ACOT12: variants seen among roughly 807,000 people sequenced by gnomAD.
ACOT12 encodes the protein acetyl-coenzyme A thioesterase.
ACOT12 carries 51 observed loss-of-function variants against 67.7 expected under a neutral mutation model. That is an observed-to-expected ratio of 0.75 (90% CI 0.60 to 0.95). ACOT12 has a LOEUF of 0.95. Among genes scored for constraint, ACOT12 ranks in the 40% least tolerant of loss-of-function variants. ACOT12 has a pLI of 0.00. For synonymous variants in ACOT12, 251 were observed against 244.6 expected (o/e 1.03, Z -0.24); for missense variants, 734 against 708.1 (o/e 1.04, Z -0.41).
intron 3 of ACOT12, among the ~76,000 whole-genome samples, chr5:81,366,239 AG>A (rs1199550634): frequency 6.6e-6 from 1 of 152,220 alleles, no homozygotes; most frequent in Non-Finnish European, 1.5e-5. Context: ...TGCCAGGAAA[AG>A]TCTGACACTC....
intron 11 of ACOT12, 59 bp downstream of exon 11, chr5:81,342,613 C>G: frequency 6.4e-7 from 1 of 1,552,498 alleles, no homozygotes; most frequent in Non-Finnish European, 8.9e-7. Context: ...GAACCACCAC[C>G]ACCACAGCTT....
the ACOT12 span, among the ~76,000 whole-genome samples, chr5:81,315,328 C>G: frequency 5.7e-3 from 863 of 152,292 alleles, 3 homozygotes; most frequent in Admixed American, 9.8e-3. Context: ...GCCAGCCCCC[C>G]ATCCCTGCTT....
At chr5:81,337,521 A>T (rs1265952082) in intron 11 of ACOT12, among the ~76,000 whole-genome samples, 1 of 152,216 alleles carries the variant, frequency 6.6e-6, no homozygotes, top group African/African-American at 2.4e-5. Flanking sequence ...CCCTAATCCA[A>T]TATGACTGGC....
intron 12 of ACOT12, among the ~76,000 whole-genome samples, chr5:81,333,065 A>G (rs1436801505): frequency 6.3e-5 from 6 of 94,630 alleles, no homozygotes; most frequent in African/African-American, 2.7e-4. Context: ...TGAGATCTTA[A>G]AAAAAAAAAA....
chr5:81,339,201 T>C (rs11960480), intron 11 of ACOT12, among the ~76,000 whole-genome samples: 4,356 of 152,304 alleles, frequency 0.029, 89 homozygotes, highest in African/African-American at 0.059. Context: ...TACAGAAGCC[T>C]AGGGGAGCCT....
intron 4 of ACOT12, among the ~76,000 whole-genome samples, chr5:81,363,151 A>G (rs1488886167): frequency 6.6e-6 from 1 of 152,006 alleles, no homozygotes; most frequent in African/African-American, 2.4e-5. Flanking sequence ...ACCCTCCTCC[A>G]GGCACCCTGA....
At chr5:81,370,920 C>T (rs1225780864) in intron 3 of ACOT12, among the ~76,000 whole-genome samples, 1 of 152,126 alleles carries the variant, frequency 6.6e-6, no homozygotes, top group African/African-American at 2.4e-5. Context: ...GAATGGAGAT[C>T]TCAAGAGCCC....
the ACOT12 span, among the ~76,000 whole-genome samples, chr5:81,309,594 G>A: frequency 6.6e-6 from 1 of 152,158 alleles, no homozygotes; most frequent in Non-Finnish European, 1.5e-5. Context: ...TGTGATGGCT[G>A]GTGCCATCAG....
chr5:81,333,504 A>G (rs1455104280), intron 12 of ACOT12, among the ~76,000 whole-genome samples: 1 of 152,262 alleles, frequency 6.6e-6, no homozygotes, highest in East Asian at 1.9e-4. Context: ...GAATCATAGT[A>G]CATGTACAAG....
the ACOT12 span, chr5:81,312,826 G>T: frequency 3.9e-6 from 2 of 509,984 alleles, no homozygotes; most frequent in Non-Finnish European, 7.1e-6. Flanking sequence ...CTATCAAATA[G>T]TACTTCTACC....
chr5:81,330,385 A>T lies in ACOT12; in HGVS notation c.*9T>A. On this transcript the variant is annotated 3_prime_UTR_variant, in exon 15 of 15. Transcript: ENST00000307624. ...GGAAATTAAATTACCAGTAATTGAA[A>T]GTTGACCTTTAAAATGTGCTTACAA... The T allele has an allele frequency of 6.2e-7, 1 of 1,605,778 alleles. No homozygotes were observed. Among genetic ancestry groups the T allele is most frequent in the Non-Finnish European group, 8.5e-7 (1 of 1,175,058 alleles).
chr5:81,377,694 T>C (rs1039333959), intron 2 of ACOT12, among the ~76,000 whole-genome samples: 1 of 152,082 alleles, frequency 6.6e-6, no homozygotes, highest in Non-Finnish European at 1.5e-5. Flanking sequence ...TATACACCAA[T>C]AACAGACAAA....
At chr5:81,370,943 T>C (rs1760231032) in intron 3 of ACOT12, among the ~76,000 whole-genome samples, 1 of 152,190 alleles carries the variant, frequency 6.6e-6, no homozygotes, top group Admixed American at 6.5e-5. Context: ...GAGAATCCAG[T>C]ATTCACAATG....
At chr5:81,319,905 A>G in the ACOT12 span, among the ~76,000 whole-genome samples, 3 of 151,954 alleles carry the variant, frequency 2.0e-5, no homozygotes, top group Admixed American at 1.3e-4. Context: ...AACCTTTTTA[A>G]AAAATATCAT....
intron 1 of ACOT12, among the ~76,000 whole-genome samples, chr5:81,387,560 G>A (rs1227319630): frequency 1.4e-5 from 2 of 138,756 alleles, no homozygotes; most frequent in African/African-American, 2.7e-5. Context: ...TTTAAGAGAC[G>A]AGGTCTGTAT....
intron 3 of ACOT12, among the ~76,000 whole-genome samples, chr5:81,371,412 T>C (rs1331592576): frequency 1.3e-5 from 2 of 149,410 alleles, no homozygotes; most frequent in Non-Finnish European, 2.9e-5. Context: ...ACCACTGTGC[T>C]GGCTAATTTT....
At chr5:81,343,718 T>C (rs1007981970) in intron 10 of ACOT12, 100 bp downstream of exon 10, 3 of 1,143,148 alleles carry the variant, frequency 2.6e-6, no homozygotes, top group African/African-American at 3.1e-5. Context: ...CCTTTTCACA[T>C]AGCCTGCGTA....
intron 4 of ACOT12, among the ~76,000 whole-genome samples, chr5:81,360,915 TA>T: frequency 6.6e-6 from 1 of 151,580 alleles, no homozygotes; most frequent in East Asian, 2.0e-4. Context: ...CTGTCTGTAC[TA>T]AAAATACAAA....
chr5:81,346,451 G>A (rs1759384063), intron 6 of ACOT12, among the ~76,000 whole-genome samples: 1 of 152,182 alleles, frequency 6.6e-6, no homozygotes, highest in African/African-American at 2.4e-5. Flanking sequence ...CAAAAGATAA[G>A]TTTTTTCCCC....
Sources: allele counts gnomAD v4.1 joint callset (sites outside exome capture counted in the v4.1 genomes callset), GRCh38; gene constraint gnomAD v4.1.1; transcripts MANE v1.5; gene names NCBI Gene and HGNC (gene_info 2026-07-23, HGNC 2026-07-21).